Variants in PLD1 observed in about 807,000 individuals in gnomAD.
PLD1 encodes the protein choline phosphatase 1.
A neutral mutation model predicts 137.1 loss-of-function variants in PLD1; 112 were observed. The ratio of observed to expected loss-of-function variants is 0.82; its 90% CI spans 0.70 to 0.96. PLD1 has a LOEUF of 0.96. Ranked by LOEUF, PLD1 falls within the 40% of genes least tolerant of loss-of-function variation. The pLI, the probability that PLD1 is intolerant of heterozygous loss-of-function variation, is 0.00. For synonymous variants in PLD1, 431 were observed against 454.7 expected (o/e 0.95, Z 0.66); for missense variants, 1,321 against 1,342.0 (o/e 0.98, Z 0.24).
intron 26 of PLD1, 117 bp downstream of exon 26, chr3:171,605,182 T>C: frequency 1.4e-6 from 1 of 728,666 alleles, no homozygotes; most frequent in African/African-American, 1.7e-5. Flanking sequence ...GGACATGTAT[T>C]AGCTTTTTTA....
At chr3:171,767,623 T>C (rs1157693794) in intron 1 of PLD1, among the ~76,000 whole-genome samples, 1 of 152,250 alleles carries the variant, frequency 6.6e-6, no homozygotes, top group Non-Finnish European at 1.5e-5. Context: ...AACACTGTCA[T>C]AGCTGCCTAC....
intron 21 of PLD1, among the ~76,000 whole-genome samples, chr3:171,646,061 CTT>C (rs1736187511): frequency 6.6e-6 from 1 of 152,156 alleles, no homozygotes; most frequent in African/African-American, 2.4e-5. Context: ...AGCTTTCTCT[CTT>C]TGACGGGCAT....
chr3:171,747,181 C>G (rs764217719), intron 1 of PLD1, among the ~76,000 whole-genome samples: 1 of 152,164 alleles, frequency 6.6e-6, no homozygotes, highest in Non-Finnish European at 1.5e-5. Flanking sequence ...GACACACCAT[C>G]TTTAAGAACT....
At chr3:171,765,195 T>C (rs1721896192) in intron 1 of PLD1, 2 of 152,182 alleles carry the variant, frequency 1.3e-5, no homozygotes, top group Non-Finnish European at 2.9e-5. Flanking sequence ...AGGGCTTAAC[T>C]TGATGATCTG....
chr3:171,649,753 G>C lies in PLD1; in HGVS notation c.2430-4730C>G, dbSNP rs571947630. Among the ~76,000 whole-genome samples the C allele has an allele frequency of 1.1e-4, 17 of 152,312 alleles. No homozygotes were observed. The South Asian group carries it at 3.5e-3, about 32-fold the overall frequency. ...ACCAAACAGCATTCTCAGGCTTCTT[G>C]TTAAAAGTTTTTCTTCAAAATTCAC... On this transcript the variant is annotated intron_variant, in intron 21 of 26. Coordinates refer to ENST00000351298, the MANE Select transcript of PLD1 (RefSeq NM_002662.5).
In PLD1 at chr3:171,739,253, G is replaced by A. The variant is rs181848477; in HGVS notation, c.-31-1171C>T. Among the ~76,000 whole-genome samples the A allele has an allele frequency of 6.7e-4, 102 of 152,278 alleles. 1 individual carries two copies. Among genetic ancestry groups the A allele is most frequent in the African/African-American group, 2.4e-3 (99 of 41,552 alleles). On this transcript the variant is annotated intron_variant, in intron 1 of 26. Coordinates refer to ENST00000351298, the MANE Select transcript of PLD1 (RefSeq NM_002662.5). ...ATCAAAAAGCTAAGTGGCTATATGG[G>A]AAATGCTAAGAAAGTCTCAGGCAAA...
chr3:171,705,394 G>A (rs1287158333), intron 11 of PLD1, among the ~76,000 whole-genome samples: 2 of 152,052 alleles, frequency 1.3e-5, no homozygotes, highest in Non-Finnish European at 2.9e-5. Flanking sequence ...CCACTCAGAG[G>A]AAAAATAACA....
intron 21 of PLD1, among the ~76,000 whole-genome samples, chr3:171,645,800 C>A (rs1202465807): frequency 6.9e-6 from 1 of 145,796 alleles, no homozygotes; most frequent in Admixed American, 7.2e-5. Context: ...AGGAGAATGG[C>A]GTGAACCCGG....
At chr3:171,640,115 CTT>C (rs1398944610) in intron 23 of PLD1, among the ~76,000 whole-genome samples, 1 of 151,726 alleles carries the variant, frequency 6.6e-6, no homozygotes, top group African/African-American at 2.4e-5. Flanking sequence ...AAAAAGCTAA[CTT>C]TTGGTTTCAC....
intron 1 of PLD1, among the ~76,000 whole-genome samples, chr3:171,794,695 A>T (rs540462605): frequency 1.7e-4 from 26 of 152,302 alleles, no homozygotes; most frequent in African/African-American, 6.3e-4. Context: ...TAAAAAAAAA[A>T]AGTACTGGAC....
chr3:171,743,256 T>C (rs990486161), intron 1 of PLD1, among the ~76,000 whole-genome samples: 5 of 152,110 alleles, frequency 3.3e-5, no homozygotes, highest in Non-Finnish European at 7.4e-5. Flanking sequence ...CCTGAAAAAA[T>C]AATCTTAGGA....
chr3:171,685,722 T>C (rs1012614406), intron 16 of PLD1, among the ~76,000 whole-genome samples: 3 of 152,228 alleles, frequency 2.0e-5, no homozygotes, highest in Non-Finnish European at 4.4e-5. Context: ...TTATTAGTCA[T>C]TCATTAATTC....
intron 3 of PLD1, 51 bp from the exon 4 acceptor site, chr3:171,735,688 C>A: frequency 9.3e-7 from 1 of 1,072,156 alleles, no homozygotes; most frequent in Non-Finnish European, 1.4e-6. Context: ...ACAAAAATTC[C>A]AAAAGCTTTC....
chr3:171,654,852 C>T (rs1378259119), intron 21 of PLD1, among the ~76,000 whole-genome samples: 1 of 151,940 alleles, frequency 6.6e-6, no homozygotes, highest in Non-Finnish European at 1.5e-5. Flanking sequence ...ATGGGGTAAA[C>T]ATGAGTCTGA....
Position 171,602,763 on chromosome 3 carries a change from C to G in PLD1, c.*315G>C. The G allele has an allele frequency of 6.6e-6, 2 of 305,202 alleles. No homozygotes were observed. Among genetic ancestry groups the G allele is most frequent in the South Asian group, 5.2e-5 (1 of 19,270 alleles). The allele number at this position is 305,202 out of a possible 1,614,324, so 18.9% of individuals were successfully genotyped here. On this transcript the variant is annotated 3_prime_UTR_variant, in exon 27 of 27. Transcript: ENST00000351298. The stretch of plus-strand genomic sequence containing the variant: ...CTTTTGGCAACCTAGATCACAGTTA[C>G]TGGTAAATTCTTGTTACAAAGGAAA...
At chr3:171,803,302 C>T (rs1723716537) in intron 1 of PLD1, among the ~76,000 whole-genome samples, 1 of 152,204 alleles carries the variant, frequency 6.6e-6, no homozygotes, top group Admixed American at 6.5e-5. Context: ...TTCAGAATCA[C>T]TGTGACGGTT....
At position 171,738,080 on chromosome 3, in the gene PLD1, G is replaced by A. The variant is rs890396568; in HGVS notation, c.-29C>T. ...AACTTTGGACAGAGTAAAAGCAAAG[G>A]GGCTAGGAAAGAAGAAAACGGTTAC... On this transcript the variant is annotated splice_region_variant and 5_prime_UTR_variant, in exon 2 of 27. Coordinates refer to ENST00000351298, the MANE Select transcript of PLD1 (RefSeq NM_002662.5). 9 of 1,569,782 alleles carry A rather than the reference G, an allele frequency of 5.7e-6. No homozygotes were observed. In the African/African-American group the frequency reaches 6.9e-5, roughly 12 times the overall value.
chr3:171,634,754 T>G (rs891170076), intron 23 of PLD1, among the ~76,000 whole-genome samples: 4 of 152,212 alleles, frequency 2.6e-5, no homozygotes, highest in African/African-American at 9.6e-5. Flanking sequence ...TTCCAAATCA[T>G]TTAAAAATTC....
intron 13 of PLD1, among the ~76,000 whole-genome samples, chr3:171,690,902 T>C (rs1229777182): frequency 6.6e-6 from 1 of 152,248 alleles, no homozygotes; most frequent in Non-Finnish European, 1.5e-5. Flanking sequence ...CTGGTTGCTC[T>C]AACCATTACT....
Sources: allele counts gnomAD v4.1 joint callset (sites outside exome capture counted in the v4.1 genomes callset), GRCh38; gene constraint gnomAD v4.1.1; transcripts MANE v1.5; gene names NCBI Gene and HGNC (gene_info 2026-07-23, HGNC 2026-07-21).